The following MYH11 variants were observed in gnomAD, a reference collection of about 807,000 sequenced individuals.
MYH11 encodes myosin heavy chain 11, also known as myosin-11.
In MYH11, 80 loss-of-function variants were observed where a neutral mutation model predicts 246.6. That is an observed-to-expected ratio of 0.32 (90% CI 0.27 to 0.39). The LOEUF is 0.39. Ranked by LOEUF, MYH11 falls within the 10% of genes least tolerant of loss-of-function variation. The pLI, the probability that MYH11 is intolerant of heterozygous loss-of-function variation, is 1.00. For synonymous variants in MYH11, 1,071 were observed against 1,015.5 expected, an observed-to-expected ratio of 1.05 and a Z score of -1.04; for missense variants, 2,158 against 2,546.8, an observed-to-expected ratio of 0.85 and a Z score of 3.29.
chr16:15,836,473 C>G (rs2043894880), intron 2 of MYH11, among the ~76,000 whole-genome samples: 1 of 152,176 alleles, frequency 6.6e-6, no homozygotes, highest in African/African-American at 2.4e-5. Flanking sequence ...GATTTTGGCT[C>G]ACTGCAACCT....
chr16:15,747,515 G>A (rs2041450050), intron 19 of MYH11, 55 bp downstream of exon 19: 7 of 1,607,094 alleles, frequency 4.4e-6, no homozygotes, highest in Non-Finnish European at 6.0e-6. Flanking sequence ...AGAACAGAAA[G>A]GCCCCTGTTT....
At position 15,838,856 on chromosome 16, in the gene MYH11, CAA is replaced by C. The variant is rs10573476; in HGVS notation, c.-17-589_-17-588del. On this transcript the variant is annotated intron_variant, in intron 1 of 40. Coordinates refer to ENST00000300036, the MANE Select transcript of MYH11 (RefSeq NM_002474.3). ...TGGGTGACAGAGCCAGACTCCATCTCAAAAAAAAAAAAAAAAAAAGAAGAAGA... is the reference window on the plus strand; with the variant it reads ...TGGGTGACAGAGCCAGACTCCATCTCAAAAAAAAAAAAAAAAAGAAGAAGA... Among the ~76,000 whole-genome samples the C allele has an allele frequency of 3.6e-3, 323 of 88,834 alleles. 2 individuals carry two copies. The highest frequency in any genetic ancestry group is 0.036 in the South Asian group (97 of 2,708). The allele number at this position is 88,834 out of a possible 152,430, so 58.3% of individuals were successfully genotyped here.
chr16:15,850,316 TG>T (rs1196575911), intron 1 of MYH11, among the ~76,000 whole-genome samples: 2 of 151,896 alleles, frequency 1.3e-5, no homozygotes, highest in African/African-American at 4.8e-5. Context: ...ACCCAGGAGG[TG>T]GAGGGTGCAG....
Position 15,727,072 on chromosome 16 carries a change from G to A in MYH11, c.3652-18C>T. On this transcript the variant is annotated intron_variant, in intron 27 of 40. Transcript: ENST00000300036. ...GCCTTGGCCTGGCGAAGGAAGCAGA[G>A]GGGAGGGATAACAGGGAGGCTGTGG... 6.2e-7 allele frequency: 1 copy of A among 1,611,970 alleles called. No homozygotes were observed. Among genetic ancestry groups the A allele is most frequent in the South Asian group, 1.1e-5 (1 of 91,068 alleles).
chr16:15,795,482 A>T (rs9926301), intron 4 of MYH11, among the ~76,000 whole-genome samples: 64,032 of 151,016 alleles, frequency 0.42, 14,698 homozygotes, highest in African/African-American at 0.62. Context: ...ATGGTGGTAC[A>T]TGCCTGTTAT....
intron 1 of MYH11, among the ~76,000 whole-genome samples, chr16:15,852,048 G>T (rs1384641571): frequency 6.6e-6 from 1 of 152,158 alleles, no homozygotes; most frequent in African/African-American, 2.4e-5. Context: ...GGGGACGGTG[G>T]GTGAGTGACC....
chr16:15,716,198 G>A (rs2151195230), intron 38 of MYH11, among the ~76,000 whole-genome samples: 2 of 152,254 alleles, frequency 1.3e-5, no homozygotes, highest in Non-Finnish European at 2.9e-5. Flanking sequence ...CTCCCAAAGT[G>A]CCGGGATTAT....
intron 9 of MYH11, among the ~76,000 whole-genome samples, chr16:15,767,186 A>C (rs1411231159): frequency 6.6e-6 from 1 of 152,022 alleles, no homozygotes; most frequent in Non-Finnish European, 1.5e-5. Flanking sequence ...TGGAAGGATG[A>C]GTAGAGGATA....
intron 3 of MYH11, among the ~76,000 whole-genome samples, chr16:15,807,946 T>C (rs896795397): frequency 6.6e-6 from 1 of 152,202 alleles, no homozygotes; most frequent in Admixed American, 6.5e-5. Flanking sequence ...CACTGTAGGC[T>C]GACCATAAAA....
intron 19 of MYH11, among the ~76,000 whole-genome samples, chr16:15,747,089 CTG>C (rs2041437486): frequency 6.6e-6 from 1 of 151,458 alleles, no homozygotes; most frequent in Non-Finnish European, 1.5e-5. Flanking sequence ...GAGAGAGACT[CTG>C]TCTCAAAAAG....
chr16:15,855,704 CTCTA>C lies in MYH11; in HGVS notation c.-18+1233_-18+1236del, dbSNP rs1291372733. ...ACATCAATTTCCTTCAAACAAAATT[CTCTA>C]TCTTATTTCACACCCTGCCACCTAA... On this transcript the variant is annotated intron_variant, in intron 1 of 40. Transcript: ENST00000300036. Among the ~76,000 whole-genome samples the C allele has an allele frequency of 2.6e-5, 4 of 152,324 alleles. No individual in the cohort carries two copies. In the East Asian group the frequency reaches 7.7e-4, roughly 29 times the overall value.
chr16:15,843,380 G>A (rs1026745146), intron 1 of MYH11, among the ~76,000 whole-genome samples: 2 of 149,172 alleles, frequency 1.3e-5, no homozygotes, highest in African/African-American at 5.0e-5. Flanking sequence ...AGGAAGGAAG[G>A]AAGGAAAGAA....
At chr16:15,820,492 A>G (rs1330661807) in intron 3 of MYH11, among the ~76,000 whole-genome samples, 3 of 150,916 alleles carry the variant, frequency 2.0e-5, no homozygotes, top group Non-Finnish European at 3.0e-5. Context: ...AAAAAAAAAA[A>G]GAAAGAAAGA....
chr16:15,748,998 GAGA>G (rs1481178137), intron 16 of MYH11, among the ~76,000 whole-genome samples: 2 of 151,904 alleles, frequency 1.3e-5, no homozygotes, highest in Non-Finnish European at 2.9e-5. Flanking sequence ...TGCCTAGAGA[GAGA>G]AGGCCAAGCT....
At chr16:15,776,689 A>G (rs7193071) in intron 7 of MYH11, among the ~76,000 whole-genome samples, 35 of 152,366 alleles carry the variant, frequency 2.3e-4, no homozygotes, top group African/African-American at 8.4e-4. Flanking sequence ...TCAAGATGAT[A>G]CAGCTAACAA....
chr16:15,834,709 A>T (rs2043845068), intron 2 of MYH11, among the ~76,000 whole-genome samples: 1 of 152,080 alleles, frequency 6.6e-6, no homozygotes. Flanking sequence ...AACATTTTTA[A>T]CTCAGGGGAT....
intron 2 of MYH11, among the ~76,000 whole-genome samples, chr16:15,824,492 G>A (rs2151361571): frequency 6.6e-6 from 1 of 150,512 alleles, no homozygotes; most frequent in African/African-American, 2.5e-5. Flanking sequence ...TATTGCCCAG[G>A]CTGGTCTCGA....
intron 3 of MYH11, among the ~76,000 whole-genome samples, chr16:15,813,457 A>G (rs911605057): frequency 6.6e-6 from 1 of 152,162 alleles, no homozygotes; most frequent in African/African-American, 2.4e-5. Flanking sequence ...TTAATTTTAA[A>G]ATTCCTAATC....
Position 15,756,326 on chromosome 16 carries a change from C to T in MYH11, c.1749+15G>A, listed in dbSNP as rs779643426. 2 of 1,613,842 alleles carry T rather than the reference C, an allele frequency of 1.2e-6. No individual in the cohort carries two copies. The highest frequency in any genetic ancestry group is 2.2e-5 in the South Asian group (2 of 91,042). ...GTCCCCTGAGACAGAGTCCCCTGGG[C>T]CCTGTGGCTGGTACCTTCCCAGCAT... On this transcript the variant is annotated intron_variant, in intron 14 of 40. Coordinates refer to ENST00000300036, the MANE Select transcript of MYH11 (RefSeq NM_002474.3).
Sources: gnomAD v4.1 joint callset for allele counts (sites outside exome capture counted in the v4.1 genomes callset) on GRCh38, gnomAD v4.1.1 for gene constraint, MANE v1.5 for transcripts, NCBI Gene and HGNC (gene_info 2026-07-23, HGNC 2026-07-21) for gene names.